CNBD1: variants seen among roughly 807,000 people sequenced by gnomAD.
CNBD1 encodes cyclic nucleotide binding domain containing 1, also known as cyclic nucleotide-binding domain-containing protein 1.
A neutral mutation model predicts 54.4 loss-of-function variants in CNBD1; 71 were observed. That is an observed-to-expected ratio of 1.30 (90% confidence interval 1.08 to 1.59). The LOEUF is 1.59. Ranked by LOEUF, CNBD1 falls within the 40% of genes most tolerant of loss-of-function variation. The probability of loss-of-function intolerance (pLI) is 0.00; values close to 1 mark genes in which losing one functional copy is unlikely to be tolerated. For missense variants in CNBD1, 659 were observed against 518.0 expected, an observed-to-expected ratio of 1.27 and a Z score of -2.64; for synonymous variants, 182 against 170.7, an observed-to-expected ratio of 1.07 and a Z score of -0.51.
intron 3 of CNBD1, among the ~76,000 whole-genome samples, chr8:86,932,309 T>C (rs1809470544): frequency 6.6e-6 from 1 of 152,140 alleles, no homozygotes; most frequent in Non-Finnish European, 1.5e-5. Flanking sequence ...CACGTATCCA[T>C]GTTGGGCCAA....
intron 2 of CNBD1, among the ~76,000 whole-genome samples, chr8:87,422,022 C>T (rs1807948526): frequency 6.7e-6 from 1 of 148,922 alleles, no homozygotes. Context: ...TCTCTGATGG[C>T]CAGTGATGAT....
intron 4 of CNBD1, among the ~76,000 whole-genome samples, chr8:87,144,504 G>A (rs768006702): frequency 1.3e-5 from 2 of 152,156 alleles, no homozygotes; most frequent in Non-Finnish European, 2.9e-5. Context: ...AATCAATAAT[G>A]TCTTGGTAGG....
At chr8:86,952,394 TG>T (rs1459763277) in intron 4 of CNBD1, among the ~76,000 whole-genome samples, 2 of 152,186 alleles carry the variant, frequency 1.3e-5, no homozygotes, top group Non-Finnish European at 2.9e-5. Context: ...GCTTTAATTA[TG>T]TACTGCTGAT....
intron 2 of CNBD1, among the ~76,000 whole-genome samples, chr8:86,892,286 C>G (rs899707947): frequency 6.6e-6 from 1 of 151,946 alleles, no homozygotes; most frequent in Non-Finnish European, 1.5e-5. Flanking sequence ...AAAACTATAA[C>G]CCATGAACAG....
intron 3 of CNBD1, among the ~76,000 whole-genome samples, chr8:86,907,124 G>A (rs771488720): frequency 9.9e-5 from 15 of 152,214 alleles, no homozygotes; most frequent in African/African-American, 2.9e-4. Context: ...TGGTTTCATC[G>A]TCACACATCA....
At chr8:87,363,405 T>C (rs1810564458) in intron 10 of CNBD1, among the ~76,000 whole-genome samples, 1 of 152,134 alleles carries the variant, frequency 6.6e-6, no homozygotes, top group Non-Finnish European at 1.5e-5. Context: ...TGGTTATAGA[T>C]CCTTGAGGAA....
chr8:86,910,045 A>T (rs917595397), intron 3 of CNBD1, among the ~76,000 whole-genome samples: 15 of 152,186 alleles, frequency 9.9e-5, no homozygotes, highest in Non-Finnish European at 2.9e-5. Context: ...CCTGCTAATA[A>T]TAATTTAAGC....
chr8:87,117,546 AT>A (rs1811800538), intron 4 of CNBD1, among the ~76,000 whole-genome samples: 3 of 152,208 alleles, frequency 2.0e-5, no homozygotes, highest in African/African-American at 7.2e-5. Flanking sequence ...GGGACATCTT[AT>A]TTCCAAAAAG....
At chr8:87,220,601 G>A (rs1208726662) in intron 5 of CNBD1, among the ~76,000 whole-genome samples, 1 of 147,900 alleles carries the variant, frequency 6.8e-6, no homozygotes, top group African/African-American at 2.5e-5. Flanking sequence ...TAGGTTTTTA[G>A]ACCTTACCTC....
At chr8:87,425,245 A>C (rs1209544267) in intron 2 of CNBD1, among the ~76,000 whole-genome samples, 2 of 151,954 alleles carry the variant, frequency 1.3e-5, no homozygotes, top group African/African-American at 4.8e-5. Flanking sequence ...AAAGTTTTCA[A>C]CTTCTTTGCC....
chr8:87,392,222 A>T, intron 2 of CNBD1, among the ~76,000 whole-genome samples: 1 of 152,062 alleles, frequency 6.6e-6, no homozygotes, highest in Non-Finnish European at 1.5e-5. Flanking sequence ...GAAGGGGTAC[A>T]GTCACTTTGA....
intron 8 of CNBD1, among the ~76,000 whole-genome samples, chr8:87,293,058 C>T (rs1808814668): frequency 6.6e-6 from 1 of 152,110 alleles, no homozygotes; most frequent in African/African-American, 2.4e-5. Context: ...GAACAAAGGG[C>T]TGCGCACTGG....
At chr8:86,994,908 G>A (rs1185698913) in intron 4 of CNBD1, among the ~76,000 whole-genome samples, 2 of 152,120 alleles carry the variant, frequency 1.3e-5, no homozygotes, top group African/African-American at 4.8e-5. Context: ...AGGAGTGGAG[G>A]ATATAGGTTG....
chr8:87,043,801 A>G (rs1306329986), intron 4 of CNBD1, among the ~76,000 whole-genome samples: 1 of 152,168 alleles, frequency 6.6e-6, no homozygotes, highest in African/African-American at 2.4e-5. Context: ...TGTTTCTAAA[A>G]ACTCATTATT....
chr8:87,381,430 G>A (rs1259687316), intron 10 of CNBD1, among the ~76,000 whole-genome samples: 4 of 151,940 alleles, frequency 2.6e-5, no homozygotes, highest in South Asian at 4.2e-4. Flanking sequence ...TCTGTTAATG[G>A]GAGCACAAAA....
intron 2 of CNBD1, among the ~76,000 whole-genome samples, chr8:87,428,253 C>T (rs370064729): frequency 6.6e-6 from 1 of 152,084 alleles, no homozygotes; most frequent in African/African-American, 2.4e-5. Flanking sequence ...AAATGAATGG[C>T]TTTGAGGTAG....
At chr8:87,412,452 T>C (rs1807762321) in intron 2 of CNBD1, among the ~76,000 whole-genome samples, 1 of 152,108 alleles carries the variant, frequency 6.6e-6, no homozygotes, top group South Asian at 2.1e-4. Context: ...GTGCAAGTGA[T>C]TTTATTAAAA....
At chr8:87,315,182 A>C (rs1436575156) in intron 8 of CNBD1, among the ~76,000 whole-genome samples, 1 of 152,102 alleles carries the variant, frequency 6.6e-6, no homozygotes, top group Non-Finnish European at 1.5e-5. Flanking sequence ...GAGAGTAGGG[A>C]AAATAGTGTA....
intron 1 of CNBD1, among the ~76,000 whole-genome samples, chr8:86,883,926 C>T (rs1026458978): frequency 4.6e-5 from 7 of 152,004 alleles, no homozygotes; most frequent in Admixed American, 2.0e-4. Context: ...CCGAGGTGGG[C>T]GGATCACGAG....
Sources: gnomAD v4.1 joint callset for allele counts (sites outside exome capture counted in the v4.1 genomes callset) on GRCh38, gnomAD v4.1.1 for gene constraint, MANE v1.5 for transcripts, NCBI Gene and HGNC (gene_info 2026-07-23, HGNC 2026-07-21) for gene names.